ULK4: variants seen among roughly 807,000 people sequenced by gnomAD.
The protein encoded by ULK4 is inactive serine/threonine-protein kinase ULK4.
ULK4 carries 133 observed loss-of-function variants against 160.6 expected under a neutral mutation model. The observed-to-expected ratio is 0.83, with a 90% CI of 0.72 to 0.96. The LOEUF is 0.96. ULK4 is among the 40% of genes least tolerant of loss of function. The pLI is 0.00. For missense variants in ULK4, 1,580 were observed against 1,499.5 expected (o/e 1.05, Z -0.89); for synonymous variants, 534 against 539.8 (o/e 0.99, Z 0.15).
Position 41,751,108 on chromosome 3 carries a change from G to T in ULK4, c.2321+3253C>A, listed in dbSNP as rs2038613386. 4.0e-5 allele frequency among the ~76,000 whole-genome samples: 6 copies of T among 151,398 alleles called. No homozygotes were observed. In the South Asian group the frequency reaches 1.2e-3, roughly 31 times the overall value. ...TCAAGTACCATGTTTCCCTAAATGG[G>T]CTGGGACAAATCTCTGCCTATTGAC... On this transcript the variant is annotated intron_variant, in intron 22 of 36. Transcript: ENST00000301831.
At chr3:41,550,444 T>C (rs1267080343) in intron 32 of ULK4, among the ~76,000 whole-genome samples, 12 of 151,526 alleles carry the variant, frequency 7.9e-5, no homozygotes, top group Non-Finnish European at 1.6e-4. Context: ...TGGAAAAATA[T>C]ATCTCACGTG....
chr3:41,706,900 T>TATATATAGAG (rs369390361), intron 25 of ULK4, among the ~76,000 whole-genome samples: 2 of 136,380 alleles, frequency 1.5e-5, no homozygotes, highest in African/African-American at 5.9e-5. Flanking sequence ...TATATATATA[T>TATATATAGAG]AGAGAGAGAG....
intron 16 of ULK4, among the ~76,000 whole-genome samples, chr3:41,886,056 G>A (rs1050944255): frequency 6.6e-5 from 10 of 152,182 alleles, no homozygotes; most frequent in African/African-American, 1.2e-4. Flanking sequence ...CATCTTTCAC[G>A]TGCCTGGTCC....
At chr3:41,922,414 G>A (rs919562836) in intron 5 of ULK4, among the ~76,000 whole-genome samples, 3 of 152,140 alleles carry the variant, frequency 2.0e-5, no homozygotes, top group Non-Finnish European at 4.4e-5. Flanking sequence ...TTCAGTCCAG[G>A]AGCTCAAGGT....
Position 41,721,251 on chromosome 3 carries a change from TTGAA to T in ULK4, c.2322-3394_2322-3391del, listed in dbSNP as rs1487245684. Among the ~76,000 whole-genome samples the T allele has an allele frequency of 2.0e-4, 21 of 106,858 alleles. 1 individual carries two copies. Among genetic ancestry groups the T allele is most frequent in the East Asian group, 1.1e-3 (4 of 3,626 alleles). 70.1% of individuals were successfully genotyped at this position (106,858 alleles called of 152,430 possible). A position where few individuals can be genotyped will look rare whatever the true frequency, so the allele number is the denominator to read the frequency against. On this transcript the variant is annotated intron_variant, in intron 22 of 36. Transcript: ENST00000301831. ...GGAAGCAGATGAGAAATTTTTCGCT[TTGAA>T]TTTTTTTTTTTTTTTTTTTTTTTTT...
chr3:41,956,204 GGAAT>G (rs377146096), intron 1 of ULK4, among the ~76,000 whole-genome samples: 3 of 152,120 alleles, frequency 2.0e-5, no homozygotes, highest in Non-Finnish European at 4.4e-5. Context: ...TGCAGAGAAT[GGAAT>G]GAATGAATGA....
At chr3:41,627,123 G>A (rs958051904) in intron 30 of ULK4, among the ~76,000 whole-genome samples, 3 of 152,078 alleles carry the variant, frequency 2.0e-5, no homozygotes, top group Admixed American at 2.0e-4. Flanking sequence ...TTGCCTCAAG[G>A]CCATGTAGGG....
chr3:41,881,005 C>T (rs1697497217), intron 17 of ULK4, among the ~76,000 whole-genome samples: 1 of 151,986 alleles, frequency 6.6e-6, no homozygotes, highest in South Asian at 2.1e-4. Flanking sequence ...TGAGAGTAAA[C>T]CTAATAGAGA....
intron 27 of ULK4, among the ~76,000 whole-genome samples, chr3:41,700,088 G>T (rs1429616604): frequency 1.3e-5 from 2 of 152,030 alleles, no homozygotes; most frequent in Admixed American, 6.6e-5. Flanking sequence ...ATGACAAACA[G>T]GTTCCTAGTT....
intron 35 of ULK4, among the ~76,000 whole-genome samples, chr3:41,278,847 G>A (rs1048575191): frequency 6.6e-6 from 1 of 152,152 alleles, no homozygotes; most frequent in African/African-American, 2.4e-5. Flanking sequence ...GGAGAAACCA[G>A]AGCAGAAAAA....
rs892580407 is a variant in ULK4 at position 41,959,078 on chromosome 3, A to C, written c.-49+2938T>G. Among the ~76,000 whole-genome samples the C allele has an allele frequency of 5.3e-5, 8 of 152,168 alleles. 1 individual carries two copies. The highest frequency in any genetic ancestry group is 9.6e-5 in the African/African-American group (4 of 41,538). On this transcript the variant is annotated intron_variant, in intron 1 of 36. Transcript: ENST00000301831. ...CCCCATCTCTACTAAAAATACAAAA[A>C]TTAGGCCAGGTGCAGTGGCTTACGC...
chr3:41,730,067 A>T (rs552890348), intron 22 of ULK4, among the ~76,000 whole-genome samples: 5 of 152,320 alleles, frequency 3.3e-5, no homozygotes, highest in East Asian at 1.9e-4. Context: ...TCAAGGAAAA[A>T]TTTTTTTAAT....
At chr3:41,752,684 T>C (rs1337906425) in intron 22 of ULK4, among the ~76,000 whole-genome samples, 1 of 152,216 alleles carries the variant, frequency 6.6e-6, no homozygotes, top group East Asian at 1.9e-4. Context: ...TATTTGGCAG[T>C]ATCTATCTGT....
chr3:41,703,834 GCACACACACACACACACACACACA>G (rs35693704), intron 27 of ULK4, among the ~76,000 whole-genome samples: 2 of 129,260 alleles, frequency 1.5e-5, no homozygotes, highest in African/African-American at 3.7e-5. Flanking sequence ...TAATGCGCAT[GCACACACACACACACACACACACA>G]CACACACACA....
At chr3:41,271,122 A>G (rs1264434945) in intron 35 of ULK4, among the ~76,000 whole-genome samples, 2 of 152,122 alleles carry the variant, frequency 1.3e-5, no homozygotes, top group African/African-American at 4.8e-5. Context: ...CTAAGTTTGG[A>G]TATACGTATA....
chr3:41,597,375 G>A (rs2125655305), intron 31 of ULK4, among the ~76,000 whole-genome samples: 1 of 152,282 alleles, frequency 6.6e-6, no homozygotes, highest in Admixed American at 6.5e-5. Flanking sequence ...AAAACCTGCA[G>A]GGCCTTGCAC....
At chr3:41,463,966 T>A (rs2083759514) in intron 32 of ULK4, among the ~76,000 whole-genome samples, 1 of 148,686 alleles carries the variant, frequency 6.7e-6, no homozygotes, top group Non-Finnish European at 1.5e-5. Flanking sequence ...AAATGATGAA[T>A]GAGAACTTTG....
At chr3:41,499,897 A>T (rs114573928) in intron 32 of ULK4, among the ~76,000 whole-genome samples, 1,550 of 151,572 alleles carry the variant, frequency 0.01, 24 homozygotes, top group Middle Eastern at 0.048. Flanking sequence ...CAGACTTTCT[A>T]CTCCTTCAAT....
intron 20 of ULK4, among the ~76,000 whole-genome samples, chr3:41,795,499 CAGAG>C (rs2040277164): frequency 6.6e-6 from 1 of 152,026 alleles, no homozygotes; most frequent in South Asian, 2.1e-4. Flanking sequence ...TGGTATCAAA[CAGAG>C]AGAGATAAAC....
Sources: gnomAD v4.1 joint callset for allele counts (sites outside exome capture counted in the v4.1 genomes callset) on GRCh38, gnomAD v4.1.1 for gene constraint, MANE v1.5 for transcripts, NCBI Gene and HGNC (gene_info 2026-07-23, HGNC 2026-07-21) for gene names.